SLC1A7: variants seen among roughly 807,000 people sequenced by gnomAD.
SLC1A7 encodes the protein excitatory amino acid transporter 5.
Under a neutral mutation model 47.7 loss-of-function variants are expected in SLC1A7, and 40 were observed. The ratio of observed to expected loss-of-function variants is 0.84; its 90% CI spans 0.65 to 1.09. SLC1A7 has a LOEUF of 1.09. Among genes scored for constraint, SLC1A7 ranks in the 50% least tolerant of loss-of-function variants. The pLI, the probability that SLC1A7 is intolerant of heterozygous loss-of-function variation, is 0.00. For missense variants in SLC1A7, 746 were observed against 769.5 expected (o/e 0.97, Z 0.36); for synonymous variants, 323 against 325.6 (o/e 0.99, Z 0.09).
chr1:53,109,511 T>G (rs1250792800), intron 3 of SLC1A7, among the ~76,000 whole-genome samples: 1 of 152,168 alleles, frequency 6.6e-6, no homozygotes, highest in Non-Finnish European at 1.5e-5. Flanking sequence ...GCCTGTTGTG[T>G]TCCTCTGGAG....
intron 8 of SLC1A7, chr1:53,090,239 C>G: frequency 1.8e-6 from 1 of 553,860 alleles, no homozygotes. Flanking sequence ...GGGACTCTGA[C>G]TGACCACCAC....
Position 53,099,873 on chromosome 1 carries a change from C to T in SLC1A7, c.697+3473G>A, listed in dbSNP as rs116521559. Among the ~76,000 whole-genome samples, 1,038 of 151,162 alleles carry T rather than the reference C, an allele frequency of 6.9e-3. 11 individuals are homozygous for T. The highest frequency in any genetic ancestry group is 0.024 in the African/African-American group (993 of 41,052). ...CTCACACATACCACCTTGGTACACTCGCATTGCCTTGGTACATTCACACAC... is the reference window on the plus strand; with the variant it reads ...CTCACACATACCACCTTGGTACACTTGCATTGCCTTGGTACATTCACACAC... On this transcript the variant is annotated intron_variant, in intron 5 of 10. Transcript: ENST00000371494.
chr1:53,140,467 A>T (rs1356445946), intron 1 of SLC1A7, among the ~76,000 whole-genome samples: 1 of 89,054 alleles, frequency 1.1e-5, no homozygotes, highest in African/African-American at 5.3e-5. Flanking sequence ...CGTTTTGGTT[A>T]AAAAAAAAAA....
At position 53,118,054 on chromosome 1, in the gene SLC1A7, G is replaced by T. The variant is rs376239463; in HGVS notation, c.216-3081C>A. ...CCCCGGAGTGCCAGGGCCACCGCAGGTGAGGGCGGAGGCCAAGAAGAATGG... is the reference window on the plus strand; with the variant it reads ...CCCCGGAGTGCCAGGGCCACCGCAGTTGAGGGCGGAGGCCAAGAAGAATGG... On this transcript the variant is annotated intron_variant, in intron 2 of 10. Transcript: ENST00000371494. 6.6e-5 allele frequency among the ~76,000 whole-genome samples: 10 copies of T among 152,386 alleles called. No individual in the cohort carries two copies. In the South Asian group the frequency reaches 1.0e-3, roughly 16 times the overall value.
At chr1:53,111,943 T>C (rs1308213230) in intron 3 of SLC1A7, among the ~76,000 whole-genome samples, 1 of 152,194 alleles carries the variant, frequency 6.6e-6, no homozygotes. Context: ...TATTTGATGA[T>C]CCTTAGTTCA....
rs144392698 is a variant in SLC1A7 at position 53,114,815 on chromosome 1, G to T, written c.374C>A (p.Thr125Lys). The change falls in exon 3 of 11, where the codon ACG becomes AAG. Residue 125 changes from threonine (T) to lysine (K), a missense_variant. Transcript: ENST00000371494. ...CATGATGGGCTTCCCACTCTGCTCC[G>T]TGGTCTCCTTCTGGGCCGCGCTGCC... Reference protein sequence around the residue: ...HPGSAAQKETTEQSGKPIMSS... With the variant: ...HPGSAAQKETKEQSGKPIMSS... 9 of 1,614,038 alleles carry T rather than the reference G, an allele frequency of 5.6e-6. No homozygotes were observed. The highest frequency in any genetic ancestry group is 5.0e-5 in the Admixed American group (3 of 60,006).
chr1:53,123,793 CA>C (rs1480625441), intron 2 of SLC1A7, among the ~76,000 whole-genome samples: 10 of 152,254 alleles, frequency 6.6e-5, no homozygotes, highest in African/African-American at 2.4e-4. Flanking sequence ...CCGCAGCCCA[CA>C]GCGGGCCACG....
chr1:53,109,658 T>A (rs1233236717), intron 3 of SLC1A7, among the ~76,000 whole-genome samples: 1 of 152,158 alleles, frequency 6.6e-6, no homozygotes, highest in African/African-American at 2.4e-5. Context: ...TTTTGTTCAG[T>A]CTTCAGCACC....
intron 4 of SLC1A7, among the ~76,000 whole-genome samples, chr1:53,105,095 C>T (rs989545734): frequency 1.3e-5 from 2 of 152,018 alleles, no homozygotes; most frequent in Admixed American, 1.3e-4. Flanking sequence ...ACTGTATATG[C>T]ACTATGATTA....
chr1:53,135,567 C>A (rs1644983998), intron 1 of SLC1A7, among the ~76,000 whole-genome samples: 1 of 152,172 alleles, frequency 6.6e-6, no homozygotes, highest in African/African-American at 2.4e-5. Context: ...AACTCCTTGC[C>A]CAATAAGCTG....
intron 2 of SLC1A7, among the ~76,000 whole-genome samples, chr1:53,120,808 C>T (rs188653648): frequency 6.6e-6 from 1 of 152,370 alleles, no homozygotes; most frequent in East Asian, 1.9e-4. Flanking sequence ...CAGTCCCCGC[C>T]TTCTTCTCCT....
chr1:53,094,677 G>A (rs983223281), intron 5 of SLC1A7, among the ~76,000 whole-genome samples: 3 of 152,194 alleles, frequency 2.0e-5, no homozygotes, highest in African/African-American at 4.8e-5. Flanking sequence ...TACCCCGCCC[G>A]CCTGTCTTCC....
At chr1:53,097,792 A>T (rs1022085723) in intron 5 of SLC1A7, among the ~76,000 whole-genome samples, 1 of 126,666 alleles carries the variant, frequency 7.9e-6, no homozygotes, top group East Asian at 2.9e-4. Context: ...ACTCACACAC[A>T]CCGCCTCAGT....
chr1:53,095,272 T>G (rs1644472536), intron 5 of SLC1A7, among the ~76,000 whole-genome samples: 1 of 151,262 alleles, frequency 6.6e-6, no homozygotes, highest in South Asian at 2.1e-4. Flanking sequence ...GGGACACAGG[T>G]GCACACAGAC....
intron 1 of SLC1A7, among the ~76,000 whole-genome samples, chr1:53,140,424 G>A (rs1034869361): frequency 1.3e-5 from 2 of 151,996 alleles, no homozygotes; most frequent in South Asian, 2.1e-4. Context: ...ATAGTTGAGC[G>A]TTCTCTCTGT....
chr1:53,105,754 A>G lies in SLC1A7; in HGVS notation c.452T>C (p.Leu151Pro). 1 of 1,613,280 alleles carries G rather than the reference A, an allele frequency of 6.2e-7. No homozygotes were observed. Among genetic ancestry groups the G allele is most frequent in the Non-Finnish European group, 8.5e-7 (1 of 1,179,532 alleles). Reference sequence around the variant, plus strand: ...CACCTGTTTGAATGTGGCTTCTACTAGGTTGGCTGGGAACATGTTCCTAGG... The same window carrying G: ...CACCTGTTTGAATGTGGCTTCTACTGGGTTGGCTGGGAACATGTTCCTAGG... ...DLIRNMFPAN[L>P]VEATFKQYRT... is the part of the protein sequence containing the mutation. The change falls in exon 4 of 11, where the codon CTA becomes CCA. Residue 151 changes from leucine to proline, a missense_variant. Transcript: ENST00000371494.
intron 1 of SLC1A7, among the ~76,000 whole-genome samples, chr1:53,141,662 C>A (rs1645058324): frequency 6.6e-6 from 1 of 151,250 alleles, no homozygotes; most frequent in African/African-American, 2.4e-5. Flanking sequence ...GAAGCTCCCC[C>A]TTTTGAAAAC....
chr1:53,087,647 C>G lies in SLC1A7; in HGVS notation c.*362G>C, dbSNP rs1475590051. 1 of 168,736 alleles carries G rather than the reference C, an allele frequency of 5.9e-6. No individual in the cohort carries two copies. Among genetic ancestry groups the G allele is most frequent in the African/African-American group, 2.4e-5 (1 of 42,236 alleles). 10.5% of individuals were successfully genotyped at this position (168,736 alleles called of 1,614,324 possible). ...GGGCTTGAAAGATTTGAGTTAGTGT[C>G]TTGACCTTAACGTGAGACCTTGGAC... On this transcript the variant is annotated 3_prime_UTR_variant, in exon 11 of 11. Transcript: ENST00000371494.
At chr1:53,090,053 G>A (rs546909849) in intron 8 of SLC1A7, 119 bp from the exon 9 acceptor site, 2 of 1,091,300 alleles carry the variant, frequency 1.8e-6, no homozygotes, top group African/African-American at 1.5e-5. Flanking sequence ...GGTGCGGGGG[G>A]TGGGTAGGAA....
Sources: gnomAD v4.1 joint callset for allele counts (sites outside exome capture counted in the v4.1 genomes callset) on GRCh38, gnomAD v4.1.1 for gene constraint, MANE v1.5 for transcripts, NCBI Gene and HGNC (gene_info 2026-07-23, HGNC 2026-07-21) for gene names.